Variants in SPIRE1 observed in about 807,000 individuals in gnomAD.
SPIRE1 encodes the protein protein spire homolog 1.
A neutral mutation model predicts 94.1 loss-of-function variants in SPIRE1; 40 were observed. The observed-to-expected ratio is 0.43, with a 90% CI of 0.33 to 0.55. The LOEUF is 0.55. Ranked by LOEUF, SPIRE1 falls within the 20% of genes least tolerant of loss-of-function variation. The pLI is 0.06. For missense variants in SPIRE1, 838 were observed against 975.2 expected (o/e 0.86, Z 1.87); for synonymous variants, 376 against 371.7 (o/e 1.01, Z -0.13).
At position 12,542,894 on chromosome 18, in the gene SPIRE1, T is replaced by G. The variant is rs1297270074; in HGVS notation, c.603+3780A>C. 2.0e-5 allele frequency among the ~76,000 whole-genome samples: 3 copies of G among 152,162 alleles called. No homozygotes were observed. The East Asian group carries it at 5.8e-4, about 29-fold the overall frequency. Reference sequence around the variant, plus strand: ...CAGGCTGGAGTGCAGGGGCACAATCTTGGCTTACTGCAACCTCCGCCTCCC... The same window carrying G: ...CAGGCTGGAGTGCAGGGGCACAATCGTGGCTTACTGCAACCTCCGCCTCCC... On this transcript the variant is annotated intron_variant, in intron 3 of 16. Transcript: ENST00000409402.
intron 7 of SPIRE1, 49 bp downstream of exon 7, chr18:12,495,967 T>A (rs2033442900): frequency 1.4e-6 from 2 of 1,411,158 alleles, no homozygotes; most frequent in Non-Finnish European, 2.0e-6. Context: ...TAGAGTAGAA[T>A]AATTCATTAT....
chr18:12,634,870 G>A (rs2037879671), intron 2 of SPIRE1, among the ~76,000 whole-genome samples, 192 bp downstream of exon 2: 1 of 151,726 alleles, frequency 6.6e-6, no homozygotes, highest in South Asian at 2.1e-4. Flanking sequence ...AAGAGGCAGA[G>A]GTTGCAGTGA....
upstream of SPIRE1, chr18:12,658,138 G>C (rs1349402824): frequency 2.7e-4 from 215 of 800,678 alleles, no homozygotes; most frequent in Non-Finnish European, 2.8e-4. Flanking sequence ...CCCGCCTCGC[G>C]CCGTCCAGCG....
intron 13 of SPIRE1, among the ~76,000 whole-genome samples, chr18:12,453,449 T>TTA (rs1555679868): frequency 2.0e-5 from 3 of 151,840 alleles, no homozygotes; most frequent in South Asian, 4.2e-4. Context: ...TTTTTTTTTT[T>TTA]ATGAGATGGA....
intron 10 of SPIRE1, among the ~76,000 whole-genome samples, chr18:12,477,045 C>G (rs1312958986): frequency 6.6e-6 from 1 of 152,134 alleles, no homozygotes; most frequent in East Asian, 1.9e-4. Context: ...AAGAGTGTGC[C>G]TAGCAAATCA....
intron 4 of SPIRE1, among the ~76,000 whole-genome samples, chr18:12,517,429 A>T (rs1280715161): frequency 6.6e-6 from 1 of 152,208 alleles, no homozygotes; most frequent in Admixed American, 6.5e-5. Flanking sequence ...AGAAAGCTCA[A>T]TTTTTCTAGT....
chr18:12,641,149 T>C (rs2038072142), intron 1 of SPIRE1, among the ~76,000 whole-genome samples: 1 of 152,194 alleles, frequency 6.6e-6, no homozygotes, highest in South Asian at 2.1e-4. Context: ...ACATGCTCCA[T>C]GTTTTCAAGA....
At chr18:12,478,374 T>C (rs1487778037) in intron 10 of SPIRE1, among the ~76,000 whole-genome samples, 1 of 138,632 alleles carries the variant, frequency 7.2e-6, no homozygotes, top group Non-Finnish European at 1.5e-5. Flanking sequence ...TGTATGAAGC[T>C]AGAGTGTGTG....
intron 4 of SPIRE1, among the ~76,000 whole-genome samples, chr18:12,528,014 G>A (rs1032727536): frequency 7.4e-5 from 11 of 149,512 alleles, no homozygotes; most frequent in Admixed American, 1.3e-4. Flanking sequence ...TGCAGATTGC[G>A]CCACTGCACT....
At chr18:12,545,820 G>A (rs2035145793) in intron 3 of SPIRE1, among the ~76,000 whole-genome samples, 1 of 152,136 alleles carries the variant, frequency 6.6e-6, no homozygotes, top group Non-Finnish European at 1.5e-5. Flanking sequence ...AGGAAATACA[G>A]AGGTCAACTG....
At chr18:12,539,587 G>GCACACACACA (rs57030414) in intron 3 of SPIRE1, among the ~76,000 whole-genome samples, 2 of 139,102 alleles carry the variant, frequency 1.4e-5, no homozygotes, top group African/African-American at 5.2e-5. Flanking sequence ...ACACACACAC[G>GCACACACACA]CACACACACA....
At chr18:12,558,177 C>T (rs1303551786) in intron 2 of SPIRE1, among the ~76,000 whole-genome samples, 1 of 152,162 alleles carries the variant, frequency 6.6e-6, no homozygotes, top group African/African-American at 2.4e-5. Flanking sequence ...GAGTTTCTTC[C>T]TTCAAATGTT....
chr18:12,581,591 C>T (rs112624130), intron 2 of SPIRE1, among the ~76,000 whole-genome samples: 20 of 152,258 alleles, frequency 1.3e-4, no homozygotes, highest in African/African-American at 4.1e-4. Flanking sequence ...AGGCCAGGCA[C>T]GGTGGCTCAT....
intron 2 of SPIRE1, among the ~76,000 whole-genome samples, chr18:12,604,141 C>T (rs1322898046): frequency 6.6e-6 from 1 of 152,100 alleles, no homozygotes; most frequent in East Asian, 1.9e-4. Context: ...GCCACTCTAG[C>T]AAATCAGTCA....
intron 3 of SPIRE1, among the ~76,000 whole-genome samples, chr18:12,546,046 G>A (rs2035155721): frequency 6.6e-6 from 1 of 152,126 alleles, no homozygotes; most frequent in Admixed American, 6.5e-5. Context: ...CTGAAGTGCA[G>A]TGGCGTGATC....
At chr18:12,632,108 T>G (rs1282269698) in intron 2 of SPIRE1, among the ~76,000 whole-genome samples, 1 of 151,622 alleles carries the variant, frequency 6.6e-6, no homozygotes, top group African/African-American at 2.4e-5. Flanking sequence ...TCCTCATGCC[T>G]CCAAAAACTC....
chr18:12,494,582 C>G (rs2033369323), intron 7 of SPIRE1, among the ~76,000 whole-genome samples: 1 of 151,854 alleles, frequency 6.6e-6, no homozygotes, highest in Non-Finnish European at 1.5e-5. Flanking sequence ...GTAATCCCAG[C>G]ACTTTGGGAG....
chr18:12,613,112 T>C (rs2037188801), intron 2 of SPIRE1, among the ~76,000 whole-genome samples: 1 of 152,194 alleles, frequency 6.6e-6, no homozygotes, highest in African/African-American at 2.4e-5. Flanking sequence ...ATGTATCCTA[T>C]ATCCTAGATG....
intron 10 of SPIRE1, among the ~76,000 whole-genome samples, chr18:12,474,877 G>A (rs1294656043): frequency 1.3e-5 from 2 of 152,032 alleles, no homozygotes; most frequent in East Asian, 3.9e-4. Flanking sequence ...AGGAGGAGAG[G>A]GAAAATGGGG....
Sources: gnomAD v4.1 joint callset for allele counts (sites outside exome capture counted in the v4.1 genomes callset) on GRCh38, gnomAD v4.1.1 for gene constraint, MANE v1.5 for transcripts, NCBI Gene and HGNC (gene_info 2026-07-23, HGNC 2026-07-21) for gene names.